FRMPD1: variants seen among roughly 807,000 people sequenced by gnomAD.
FRMPD1 encodes the protein FERM and PDZ domain containing 1.
A neutral mutation model predicts 117.8 loss-of-function variants in FRMPD1; 76 were observed. The ratio of observed to expected loss-of-function variants is 0.65; its 90% CI spans 0.54 to 0.78. FRMPD1 has a LOEUF of 0.78. FRMPD1 is among the 30% of genes least tolerant of loss of function. The probability of loss-of-function intolerance (pLI) is 0.00; values close to 1 mark genes in which losing one functional copy is unlikely to be tolerated. For missense variants in FRMPD1, 1,786 were observed against 1,964.5 expected (o/e 0.91, Z 1.72); for synonymous variants, 783 against 770.4 (o/e 1.02, Z -0.27).
chr9:37,698,549 CTTTTTTTTTTTTTT>C (rs531498194), intron 2 of FRMPD1, among the ~76,000 whole-genome samples: 2 of 74,600 alleles, frequency 2.7e-5, no homozygotes, highest in East Asian at 5.5e-4. Flanking sequence ...ATCTCATTAT[CTTTTTTTTTTTTTT>C]TTTTTTTTTT....
At chr9:37,715,874 T>C (rs997905667) in intron 5 of FRMPD1, among the ~76,000 whole-genome samples, 3 of 152,144 alleles carry the variant, frequency 2.0e-5, no homozygotes, top group African/African-American at 7.2e-5. Context: ...CCTTCTTCCC[T>C]GTGACTCCCA....
intron 1 of FRMPD1, among the ~76,000 whole-genome samples, chr9:37,667,846 C>G (rs1821214917): frequency 6.6e-6 from 1 of 152,150 alleles, no homozygotes; most frequent in South Asian, 2.1e-4. Flanking sequence ...ATCTCCTGCT[C>G]TACCTGTGGC....
In FRMPD1 at chr9:37,733,780, A is replaced by C; in HGVS notation, c.1173A>C (p.Gly391=). The change falls in exon 12 of 16, where the codon GGA becomes GGC. Residue 391 remains glycine, a synonymous_variant. Coordinates refer to ENST00000377765, the MANE Select transcript of FRMPD1 (RefSeq NM_014907.3). Reference sequence around the variant, plus strand: ...GTTTAAATTATCTACAGATCCTCGGAGAACTCAAGACATATGGTGGAAGAA... The same window carrying C: ...GTTTAAATTATCTACAGATCCTCGGCGAACTCAAGACATATGGTGGAAGAA... The part of the protein sequence containing the change: ...QLRLNYLQIL[G]ELKTYGGRIF... 6.2e-7 allele frequency: 1 copy of C among 1,606,780 alleles called. No homozygotes were observed. Among genetic ancestry groups the C allele is most frequent in the Non-Finnish European group, 8.5e-7 (1 of 1,173,304 alleles).
chr9:37,637,038 C>G, the FRMPD1 span: 2 of 1,546,386 alleles, frequency 1.3e-6, no homozygotes, highest in Non-Finnish European at 1.8e-6. Context: ...TCATATACCA[C>G]GAGGAAGCCA....
chr9:37,635,558 G>C, the FRMPD1 span, among the ~76,000 whole-genome samples: 37 of 152,300 alleles, frequency 2.4e-4, no homozygotes, highest in Admixed American at 2.2e-3. Flanking sequence ...CATGACACCA[G>C]AGGGGAACCT....
chr9:37,625,005 T>C, the FRMPD1 span, among the ~76,000 whole-genome samples: 1 of 152,152 alleles, frequency 6.6e-6, no homozygotes, highest in Non-Finnish European at 1.5e-5. Context: ...CCACTCAGGG[T>C]TAAAGTAGTT....
intron 5 of FRMPD1, among the ~76,000 whole-genome samples, chr9:37,717,381 A>ATATTTTT (rs1335593457): frequency 8.7e-6 from 1 of 114,344 alleles, no homozygotes; most frequent in African/African-American, 3.2e-5. Context: ...ATATATATAT[A>ATATTTTT]TTTTTTTTTT....
At chr9:37,721,796 T>C (rs1404590101) in intron 6 of FRMPD1, among the ~76,000 whole-genome samples, 4 of 152,218 alleles carry the variant, frequency 2.6e-5, no homozygotes, top group Admixed American at 6.5e-5. Context: ...TTCAACTCAA[T>C]AGAATATTAT....
intron 2 of FRMPD1, among the ~76,000 whole-genome samples, chr9:37,704,512 A>G (rs1822635211): frequency 6.6e-6 from 1 of 152,102 alleles, no homozygotes. Context: ...GTGCCTATTG[A>G]AGAAAGTAGC....
At chr9:37,627,669 TC>T in the FRMPD1 span, among the ~76,000 whole-genome samples, 2 of 152,200 alleles carry the variant, frequency 1.3e-5, no homozygotes, top group African/African-American at 4.8e-5. Flanking sequence ...AGACAAGGTC[TC>T]ACTTTGTTGC....
chr9:37,703,103 AT>A (rs1344352051), intron 2 of FRMPD1, among the ~76,000 whole-genome samples: 1 of 152,058 alleles, frequency 6.6e-6, no homozygotes, highest in African/African-American at 2.4e-5. Flanking sequence ...ATAATATGAT[AT>A]TTTTTCCTTT....
rs139241897 is a variant in FRMPD1 at position 37,736,145 on chromosome 9, C to T, written c.1401+411C>T. Reference sequence around the variant, plus strand: ...CCTCCCAAGTAGCTGGGACTACAGGCGCCCACCACCATGCCCGGCTAATGT... The same window carrying T: ...CCTCCCAAGTAGCTGGGACTACAGGTGCCCACCACCATGCCCGGCTAATGT... On this transcript the variant is annotated intron_variant, in intron 13 of 15. Coordinates refer to ENST00000377765, the MANE Select transcript of FRMPD1 (RefSeq NM_014907.3). Among the ~76,000 whole-genome samples, 738 of 151,956 alleles carry T rather than the reference C, an allele frequency of 4.9e-3. 4 individuals are homozygous for T. Among genetic ancestry groups the T allele is most frequent in the African/African-American group, 0.017 (698 of 41,468 alleles).
At chr9:37,743,595 G>A (rs1824531585) in intron 15 of FRMPD1, among the ~76,000 whole-genome samples, 1 of 131,660 alleles carries the variant, frequency 7.6e-6, no homozygotes, top group Admixed American at 8.8e-5. Context: ...AGAATTTGTA[G>A]CTGATTGGCT....
chr9:37,671,023 CT>C (rs1219549147), intron 1 of FRMPD1, among the ~76,000 whole-genome samples: 1 of 152,210 alleles, frequency 6.6e-6, no homozygotes, highest in Admixed American at 6.5e-5. Context: ...GAACTAACTT[CT>C]TTCTTCCTTC....
At chr9:37,625,876 C>T in the FRMPD1 span, among the ~76,000 whole-genome samples, 1 of 152,212 alleles carries the variant, frequency 6.6e-6, no homozygotes, top group African/African-American at 2.4e-5. Context: ...CAGCGCCTCA[C>T]AAGGAGAGGT....
chr9:37,686,179 G>A (rs564432098), intron 1 of FRMPD1, among the ~76,000 whole-genome samples: 1 of 152,338 alleles, frequency 6.6e-6, no homozygotes, highest in African/African-American at 2.4e-5. Flanking sequence ...AGCTGAGGAT[G>A]TTTGATTTGG....
intron 1 of FRMPD1, chr9:37,668,538 G>C (rs899652861): frequency 2.6e-5 from 4 of 152,342 alleles, no homozygotes; most frequent in African/African-American, 9.6e-5. Context: ...CTGCCAGCAG[G>C]GGGAAGAGGT....
At chr9:37,606,936 C>T in the FRMPD1 span, among the ~76,000 whole-genome samples, 71 of 152,276 alleles carry the variant, frequency 4.7e-4, no homozygotes, top group African/African-American at 1.6e-3. Context: ...TCCTTGACTC[C>T]TGGGAGAAGG....
At chr9:37,690,574 C>A (rs1313179102) in intron 1 of FRMPD1, among the ~76,000 whole-genome samples, 1 of 152,152 alleles carries the variant, frequency 6.6e-6, no homozygotes, top group Non-Finnish European at 1.5e-5. Context: ...TAATACATTT[C>A]AATGCAAGAT....
Sources: gnomAD v4.1 joint callset for allele counts (sites outside exome capture counted in the v4.1 genomes callset) on GRCh38, gnomAD v4.1.1 for gene constraint, MANE v1.5 for transcripts, NCBI Gene and HGNC (gene_info 2026-07-23, HGNC 2026-07-21) for gene names.